Variants in SPTBN4 observed in about 807,000 individuals in gnomAD.
SPTBN4 encodes the protein spectrin beta chain, non-erythrocytic 4.
In SPTBN4, 96 loss-of-function variants were observed where a neutral mutation model predicts 277.8. The ratio of observed to expected loss-of-function variants is 0.35; its 90% CI spans 0.29 to 0.41. The LOEUF (loss-of-function observed/expected upper bound fraction) is 0.41, where lower values mean the gene tolerates loss of function less well. SPTBN4 is among the 10% of genes least tolerant of loss of function. The probability of loss-of-function intolerance (pLI) is 1.00; values close to 1 mark genes in which losing one functional copy is unlikely to be tolerated. For synonymous variants in SPTBN4, 1,481 were observed against 1,580.3 expected, an observed-to-expected ratio of 0.94 and a Z score of 1.49; for missense variants, 3,006 against 3,595.7, an observed-to-expected ratio of 0.84 and a Z score of 4.19.
In SPTBN4 at chr19:40,557,008, ACT is replaced by A; in HGVS notation, c.5290-14_5290-13del. 1.0e-6 allele frequency: 1 copy of A among 978,680 alleles called. No homozygotes were observed. Among genetic ancestry groups the A allele is most frequent in the South Asian group, 1.8e-5 (1 of 55,254 alleles). 60.6% of individuals were successfully genotyped at this position (978,680 alleles called of 1,614,324 possible). ...CTCACTTTGCTGTACCCCCCCCCCC[ACT>A]TCCTGATGGCAGGTGCTGCAGGAGA... On this transcript the variant is annotated splice_polypyrimidine_tract_variant and intron_variant, in intron 25 of 35. Coordinates refer to ENST00000598249, the MANE Select transcript of SPTBN4 (RefSeq NM_020971.3).
chr19:40,560,584 T>G lies in SPTBN4; in HGVS notation c.5915+181T>G. The G allele has an allele frequency of 6.8e-7, 1 of 1,468,872 alleles. No homozygotes were observed. Among genetic ancestry groups the G allele is most frequent in the South Asian group, 1.4e-5 (1 of 71,478 alleles). The allele number at this position is 1,468,872 out of a possible 1,614,324, so 91.0% of individuals were successfully genotyped here. Reference sequence around the variant, plus strand: ...TATTCAGACCCCTTTTTTAGGCCTGTCATTGGGGACTTCGGTCATGGGGCA... The same window carrying G: ...TATTCAGACCCCTTTTTTAGGCCTGGCATTGGGGACTTCGGTCATGGGGCA... On this transcript the variant is annotated intron_variant, in intron 27 of 35. Transcript: ENST00000598249. The surrounding 1 kb of genome is among the most constrained non-coding windows in gnomAD (Gnocchi z 5.2).
At chr19:40,475,146 T>G (rs970597382) in intron 2 of SPTBN4, among the ~76,000 whole-genome samples, 1 of 152,042 alleles carries the variant, frequency 6.6e-6, no homozygotes, top group South Asian at 2.1e-4. Flanking sequence ...TAGTACTTAG[T>G]ATTCATAGAG....
In SPTBN4 at chr19:40,512,969, C is replaced by T; in HGVS notation, c.2180C>T (p.Ala727Val). The T allele has an allele frequency of 1.4e-6, 2 of 1,411,474 alleles. No individual in the cohort carries two copies. The highest frequency in any genetic ancestry group is 1.8e-6 in the Non-Finnish European group (2 of 1,092,864). 87.4% of individuals were successfully genotyped at this position (1,411,474 alleles called of 1,614,324 possible). The change falls in exon 14 of 36, where the codon GCG becomes GTG. Residue 727 changes from alanine to valine, a missense_variant. Coordinates refer to ENST00000598249, the MANE Select transcript of SPTBN4 (RefSeq NM_020971.3). ...QALRCGEELVAAGGAVGPGAD... is the reference protein window; with the variant it reads ...QALRCGEELVVAGGAVGPGAD... Reference sequence around the variant, plus strand: ...CTGCGGTGTGGCGAGGAGCTGGTTGCGGCCGGCGGTGCCGTCGGCCCGGGA... The same window carrying T: ...CTGCGGTGTGGCGAGGAGCTGGTTGTGGCCGGCGGTGCCGTCGGCCCGGGA...
chr19:40,487,866 G>A lies in SPTBN4; in HGVS notation c.321+18G>A. On this transcript the variant is annotated intron_variant, in intron 3 of 35. Coordinates refer to ENST00000598249, the MANE Select transcript of SPTBN4 (RefSeq NM_020971.3). Reference sequence around the variant, plus strand: ...AGCAGCTGGTGAGGGGGCCTGAAGGGCTGGGGCAGGGGTCCTCCCTGGGGT... The same window carrying A: ...AGCAGCTGGTGAGGGGGCCTGAAGGACTGGGGCAGGGGTCCTCCCTGGGGT... 1 of 1,584,296 alleles carries A rather than the reference G, an allele frequency of 6.3e-7. No individual in the cohort carries two copies. The highest frequency in any genetic ancestry group is 8.6e-7 in the Non-Finnish European group (1 of 1,167,216).
chr19:40,502,803 A>G lies in SPTBN4; in HGVS notation c.1232A>G (p.His411Arg). The G allele has an allele frequency of 6.2e-7, 1 of 1,613,978 alleles. No homozygotes were observed. Among genetic ancestry groups the G allele is most frequent in the Non-Finnish European group, 8.5e-7 (1 of 1,180,014 alleles). The change falls in exon 11 of 36, where the codon CAT becomes CGT. Residue 411 changes from histidine to arginine, a missense_variant. His to Arg is a conservative substitution (Grantham distance 29). Transcript: ENST00000598249. The surrounding 1 kb of genome is among the most constrained non-coding windows in gnomAD (Gnocchi z 4.9). ...TGGGGTGAGCTGGAGAAGGCTGAGCATGAGCGGGAGGCTGCCCTACGGGCT... is the reference window on the plus strand; with the variant it reads ...TGGGGTGAGCTGGAGAAGGCTGAGCGTGAGCGGGAGGCTGCCCTACGGGCT... ...KAWGELEKAE[H>R]EREAALRAEL...
intron 3 of SPTBN4, among the ~76,000 whole-genome samples, chr19:40,489,773 T>C (rs1403575438): frequency 7.0e-6 from 1 of 143,492 alleles, no homozygotes; most frequent in Non-Finnish European, 1.5e-5. Flanking sequence ...AGGGCGGGGC[T>C]TCATGATGGG....
At position 40,546,141 on chromosome 19, in the gene SPTBN4, C is replaced by T. The variant is rs558023579; in HGVS notation, c.4360-3048C>T. On this transcript the variant is annotated intron_variant, in intron 20 of 35. Coordinates refer to ENST00000598249, the MANE Select transcript of SPTBN4 (RefSeq NM_020971.3). ...TCGGGAGGCGGAGGCAGGAGAATCA[C>T]TTGAACTGAGGAGGCAGAGGTTGCA... Among the ~76,000 whole-genome samples, 3 of 148,242 alleles carry T rather than the reference C, an allele frequency of 2.0e-5. No individual in the cohort carries two copies. In the South Asian group the frequency reaches 6.4e-4, roughly 32 times the overall value.
At chr19:40,476,320 G>C (rs1027349893) in intron 2 of SPTBN4, among the ~76,000 whole-genome samples, 1 of 149,418 alleles carries the variant, frequency 6.7e-6, no homozygotes, top group Non-Finnish European at 1.5e-5. Flanking sequence ...ACTCCAGCCT[G>C]GGCGTCAATA....
intron 13 of SPTBN4, among the ~76,000 whole-genome samples, chr19:40,510,664 G>C (rs1185832679): frequency 6.6e-6 from 1 of 152,160 alleles, no homozygotes; most frequent in Non-Finnish European, 1.5e-5. Context: ...GTCAACATCA[G>C]CGAATGTCCA....
chr19:40,565,676 G>T lies in SPTBN4; in HGVS notation c.6070G>T (p.Asp2024Tyr). The T allele has an allele frequency of 6.4e-7, 1 of 1,555,916 alleles. No individual in the cohort carries two copies. The highest frequency in any genetic ancestry group is 8.7e-7 in the Non-Finnish European group (1 of 1,149,198). The change falls in exon 29 of 36, where the codon GAC becomes TAC. Residue 2024 changes from aspartate to tyrosine, a missense_variant. Coordinates refer to ENST00000598249, the MANE Select transcript of SPTBN4 (RefSeq NM_020971.3). The part of the protein sequence containing the change: ...AMADEIQAQL[D>Y]KLGTRKEEVS... Reference sequence around the variant, plus strand: ...CCACTCCCAGATCCAGGCACAGCTGGACAAGCTGGGAACCAGGAAGGAGGA... The same window carrying T: ...CCACTCCCAGATCCAGGCACAGCTGTACAAGCTGGGAACCAGGAAGGAGGA...
chr19:40,555,936 A>C (rs1367579591), intron 24 of SPTBN4, 148 bp from the exon 25 acceptor site: 2 of 698,444 alleles, frequency 2.9e-6, no homozygotes, highest in Non-Finnish European at 4.6e-6. Context: ...AGAAAAAAGA[A>C]AAGAAAACAG....
At position 40,519,848 on chromosome 19, in the gene SPTBN4, C is replaced by A; in HGVS notation, c.3351C>A (p.Pro1117=). 1 of 1,449,784 alleles carries A rather than the reference C, an allele frequency of 6.9e-7. No individual in the cohort carries two copies. The highest frequency in any genetic ancestry group is 1.4e-5 in the South Asian group (1 of 69,510). The allele number at this position is 1,449,784 out of a possible 1,614,324, so 89.8% of individuals were successfully genotyped here. Residue 1117 remains proline (P), a synonymous_variant, in exon 16 of 36, where the codon CCC becomes CCA. Coordinates refer to ENST00000598249, the MANE Select transcript of SPTBN4 (RefSeq NM_020971.3). This position sits in a 1 kb window ranked among gnomAD's most constrained non-coding sequence, Gnocchi z 5.7. ...AGGCGGCGGGCGGCAGCGAGGGGCC[C>A]CTGCCCAACAGCCTAGAAGAGGCGG... The part of the protein sequence containing the change: ...AQEAAGGSEG[P]LPNSLEEADA...
chr19:40,552,440 A>G (rs1444655138), intron 22 of SPTBN4, among the ~76,000 whole-genome samples: 4 of 142,056 alleles, frequency 2.8e-5, no homozygotes, highest in Non-Finnish European at 6.0e-5. Flanking sequence ...GAGTGTCAAG[A>G]GCGAGACTCC....
chr19:40,477,753 T>C (rs530062324), intron 2 of SPTBN4, among the ~76,000 whole-genome samples: 16 of 152,264 alleles, frequency 1.1e-4, no homozygotes, highest in Non-Finnish European at 1.8e-4. Flanking sequence ...GAACTGCATA[T>C]GCAAGGCCTC....
In SPTBN4 at chr19:40,523,500, C is replaced by G; in HGVS notation, c.3718C>G (p.Gln1240Glu). The G allele has an allele frequency of 6.2e-7, 1 of 1,613,942 alleles. No individual in the cohort carries two copies. The highest frequency in any genetic ancestry group is 1.6e-4 in the Middle Eastern group (1 of 6,062). ...GGAATCGGTGGAGGAGGCCTTGAAACAGCACCGTGACTTTCTCACCACCAT... is the reference window on the plus strand; with the variant it reads ...GGAATCGGTGGAGGAGGCCTTGAAAGAGCACCGTGACTTTCTCACCACCAT... ...TVESVEEALK[Q>E]HRDFLTTMEL... Residue 1240 changes from glutamine (Q) to glutamate (E), a missense_variant, in exon 17 of 36, where the codon CAG becomes GAG. This residue lies in a region of SPTBN4 where 1,759 missense variants were observed against 2,061.5 expected (regional missense o/e 0.85). Coordinates refer to ENST00000598249, the MANE Select transcript of SPTBN4 (RefSeq NM_020971.3).
intron 12 of SPTBN4, among the ~76,000 whole-genome samples, chr19:40,505,822 GA>G (rs1317004350): frequency 6.6e-6 from 1 of 152,096 alleles, no homozygotes; most frequent in Non-Finnish European, 1.5e-5. Flanking sequence ...GAAAAGGGTA[GA>G]AATGTAGAAA....
At chr19:40,567,619 C>CCCCCCCCCCAAA in intron 30 of SPTBN4, 44 bp from the exon 31 acceptor site, 1 of 1,419,676 alleles carries the variant, frequency 7.0e-7, no homozygotes, top group South Asian at 1.5e-5. Context: ...TTACCCCGCC[C>CCCCCCCCCCAAA]CGGCCCCACG....
intron 26 of SPTBN4, among the ~76,000 whole-genome samples, chr19:40,558,855 G>A (rs1292585125): frequency 3.3e-5 from 5 of 151,048 alleles, no homozygotes; most frequent in South Asian, 2.1e-4. Flanking sequence ...TGATCTACCC[G>A]TCTCGGCCTC....
At chr19:40,569,138 AGGG>A (rs1179940035) in intron 31 of SPTBN4, among the ~76,000 whole-genome samples, 1 of 152,136 alleles carries the variant, frequency 6.6e-6, no homozygotes, top group Admixed American at 6.6e-5. Flanking sequence ...TAAAATTCAA[AGGG>A]GCATCTGGGC....
Sources: gnomAD v4.1 joint callset for allele counts (sites outside exome capture counted in the v4.1 genomes callset) on GRCh38, gnomAD v4.1.1 for gene constraint, gnomAD v4.1.1 regional missense constraint, Gnocchi (gnomAD v3.1) non-coding constraint, MANE v1.5 for transcripts, NCBI Gene and HGNC (gene_info 2026-07-23, HGNC 2026-07-21) for gene names.